Variants in CTNNA2 observed in about 807,000 individuals in gnomAD.
CTNNA2 encodes catenin alpha 2, also known as catenin alpha-2.
CTNNA2 carries 42 observed loss-of-function variants against 101.0 expected under a neutral mutation model. The ratio of observed to expected loss-of-function variants is 0.42; its 90% CI spans 0.32 to 0.54. The LOEUF (loss-of-function observed/expected upper bound fraction) is 0.54, where lower values mean the gene tolerates loss of function less well. Ranked by LOEUF, CTNNA2 falls within the 20% of genes least tolerant of loss-of-function variation. The pLI is 0.14. For missense variants in CTNNA2, 871 were observed against 1,223.1 expected (o/e 0.71, Z 4.29); for synonymous variants, 450 against 456.4 (o/e 0.99, Z 0.18).
At chr2:80,582,894 AT>A (rs1329830652) in intron 14 of CTNNA2, among the ~76,000 whole-genome samples, 3 of 152,136 alleles carry the variant, frequency 2.0e-5, no homozygotes, top group African/African-American at 7.2e-5. Context: ...CTTGAGGGAG[AT>A]GTTTAGTCAA....
chr2:80,353,232 G>T (rs1673477106), intron 7 of CTNNA2, among the ~76,000 whole-genome samples: 1 of 151,960 alleles, frequency 6.6e-6, no homozygotes, highest in Non-Finnish European at 1.5e-5. Flanking sequence ...AGCAAAGTAG[G>T]TACTGGGGGT....
chr2:79,842,090 G>A (rs180927416), intron 3 of CTNNA2, among the ~76,000 whole-genome samples: 10 of 152,084 alleles, frequency 6.6e-5, no homozygotes, highest in African/African-American at 1.9e-4. Context: ...TTTAGTATCA[G>A]GATTTTATTT....
At chr2:80,237,243 C>A (rs1328148824) in intron 7 of CTNNA2, among the ~76,000 whole-genome samples, 1 of 152,070 alleles carries the variant, frequency 6.6e-6, no homozygotes, top group Non-Finnish European at 1.5e-5. Context: ...AATGTGGTTA[C>A]CTTGGATATG....
intron 7 of CTNNA2, among the ~76,000 whole-genome samples, chr2:80,347,977 G>A (rs986714317): frequency 1.3e-5 from 2 of 151,890 alleles, no homozygotes; most frequent in Admixed American, 1.3e-4. Context: ...GATTTTATTG[G>A]TATGGGATTC....
rs114533364 is a variant in CTNNA2 at position 80,063,020 on chromosome 2, G to A, written c.1056+153223G>A. ...GCGCCCGGCCAAAGCACTGTGGCCC[G>A]GCCAAAGCACTGTGATCTTAAGGTA... is the stretch of plus-strand genomic sequence containing the variant. On this transcript the variant is annotated intron_variant, in intron 7 of 18. Coordinates refer to ENST00000402739, the MANE Select transcript of CTNNA2 (RefSeq NM_001282597.3). 1.9e-3 allele frequency among the ~76,000 whole-genome samples: 288 copies of A among 152,166 alleles called. 1 individual carries two copies. Among genetic ancestry groups the A allele is most frequent in the African/African-American group, 6.4e-3 (266 of 41,534 alleles).
At chr2:79,342,932 C>T (rs1183339887) in intron 3 of CTNNA2, among the ~76,000 whole-genome samples, 1 of 152,240 alleles carries the variant, frequency 6.6e-6, no homozygotes, top group African/African-American at 2.4e-5. Context: ...TCATTTTAAG[C>T]GACCTGCAGG....
intron 2 of CTNNA2, among the ~76,000 whole-genome samples, chr2:79,225,891 A>T (rs968697830): frequency 6.6e-6 from 1 of 152,098 alleles, no homozygotes; most frequent in Non-Finnish European, 1.5e-5. Flanking sequence ...ATTAGATCTC[A>T]TGATGACATT....
At chr2:79,937,064 C>T (rs985913026) in intron 7 of CTNNA2, among the ~76,000 whole-genome samples, 1 of 152,156 alleles carries the variant, frequency 6.6e-6, no homozygotes, top group Admixed American at 6.5e-5. Context: ...CTCTTCCTCC[C>T]TTCTTATTAA....
intron 2 of CTNNA2, among the ~76,000 whole-genome samples, chr2:79,309,332 A>G (rs1426644980): frequency 1.3e-5 from 2 of 152,180 alleles, no homozygotes; most frequent in Non-Finnish European, 2.9e-5. Flanking sequence ...TCCTCAGTCA[A>G]AAAACAAAAT....
intron 7 of CTNNA2, among the ~76,000 whole-genome samples, chr2:80,043,040 C>CTTCT (rs1173555945): frequency 2.2e-3 from 115 of 52,784 alleles, no homozygotes; most frequent in South Asian, 8.8e-3. Context: ...TCTTTCTTTC[C>CTTCT]TTCTTTCTTT....
At chr2:79,396,407 C>T (rs1459570345) in intron 4 of CTNNA2, among the ~76,000 whole-genome samples, 2 of 152,118 alleles carry the variant, frequency 1.3e-5, no homozygotes, top group African/African-American at 2.4e-5. Context: ...GATCTGCCCG[C>T]CTCGGCCTCC....
rs370638985 is a variant in CTNNA2 at position 79,615,680 on chromosome 2, T to C, written c.-5-35872T>C. 2.1e-4 allele frequency among the ~76,000 whole-genome samples: 32 copies of C among 152,314 alleles called. No individual in the cohort carries two copies. The South Asian group carries it at 3.9e-3, about 19-fold the overall frequency. ...TAGGTTCTGGCTCTCAAACTTTGTT[T>C]TTCCCACTATACACATGCTTCTGTA... On this transcript the variant is annotated intron_variant, in intron 1 of 18. Coordinates refer to ENST00000402739, the MANE Select transcript of CTNNA2 (RefSeq NM_001282597.3).
chr2:80,327,714 A>G (rs186172659), intron 7 of CTNNA2, among the ~76,000 whole-genome samples: 2 of 152,322 alleles, frequency 1.3e-5, no homozygotes, highest in Admixed American at 1.3e-4. Flanking sequence ...CTTCAAACCC[A>G]CAAATAATTA....
chr2:80,518,455 G>C (rs748959981), intron 9 of CTNNA2, among the ~76,000 whole-genome samples: 1 of 152,080 alleles, frequency 6.6e-6, no homozygotes, highest in Non-Finnish European at 1.5e-5. Context: ...TGATACCCCT[G>C]CCCCAACATA....
chr2:80,462,391 G>A (rs534680751), intron 9 of CTNNA2, among the ~76,000 whole-genome samples: 2 of 152,066 alleles, frequency 1.3e-5, no homozygotes, highest in Admixed American at 1.3e-4. Flanking sequence ...CTCTATCTAG[G>A]GTATACTGAT....
intron 7 of CTNNA2, among the ~76,000 whole-genome samples, chr2:80,327,590 A>G (rs183767970): frequency 6.6e-6 from 1 of 152,314 alleles, no homozygotes; most frequent in East Asian, 1.9e-4. Context: ...TACTGTCATC[A>G]TGTGAAAATG....
intron 18 of CTNNA2, among the ~76,000 whole-genome samples, chr2:80,630,398 G>A (rs940060959): frequency 2.0e-5 from 3 of 152,034 alleles, no homozygotes; most frequent in African/African-American, 4.8e-5. Context: ...CAGCACTTTG[G>A]GAGGCCGAGG....
intron 17 of CTNNA2, 49 bp from the exon 18 acceptor site, chr2:80,619,036 C>A: frequency 4.7e-5 from 35 of 749,394 alleles, no homozygotes; most frequent in Admixed American, 5.3e-5. Flanking sequence ...TTTTTTTTTT[C>A]TTTTGCTCTC....
chr2:80,428,187 G>A (rs2149421020), intron 9 of CTNNA2, among the ~76,000 whole-genome samples: 1 of 152,278 alleles, frequency 6.6e-6, no homozygotes, highest in South Asian at 2.1e-4. Context: ...GACTGGAGCC[G>A]AGAATGAGAG....
Sources: allele counts gnomAD v4.1 joint callset (sites outside exome capture counted in the v4.1 genomes callset), GRCh38; gene constraint gnomAD v4.1.1; transcripts MANE v1.5; gene names NCBI Gene and HGNC (gene_info 2026-07-23, HGNC 2026-07-21).